The following LZTR1 variants were observed in gnomAD, a reference collection of about 807,000 sequenced individuals.
LZTR1 encodes the protein leucine zipper like post translational regulator 1.
In LZTR1, 260 loss-of-function variants were observed where a neutral mutation model predicts 105.7. The ratio of observed to expected loss-of-function variants is 2.46; its 90% CI spans 2.22 to 2.72. The LOEUF (loss-of-function observed/expected upper bound fraction) is 2.72. Among genes scored for constraint, LZTR1 ranks in the 30% most tolerant of loss-of-function variants. LZTR1 has a pLI of 0.00. For missense variants in LZTR1, 1,214 were observed against 1,166.9 expected (o/e 1.04, Z -0.59); for synonymous variants, 490 against 476.4 (o/e 1.03, Z -0.37).
Position 20,993,921 on chromosome 22 carries a change from C to T in LZTR1, c.1354-3C>T. 1.2e-6 allele frequency: 2 copies of T among 1,611,122 alleles called. No individual in the cohort carries two copies. Among genetic ancestry groups the T allele is most frequent in the Non-Finnish European group, 1.7e-6 (2 of 1,179,464 alleles). On this transcript the variant is annotated splice_polypyrimidine_tract_variant and splice_region_variant and intron_variant, in intron 12 of 20. Transcript: ENST00000646124. The stretch of plus-strand genomic sequence containing the variant: ...CTCTGCCAGTGCATCATTCTTTGTG[C>T]AGAAGGAGGAGTGCGTGCAGGGCCA...
chr22:20,996,746 A>T lies in LZTR1; in HGVS notation c.2270A>T (p.Gln757Leu). 6.2e-7 allele frequency: 1 copy of T among 1,613,536 alleles called. No homozygotes were observed. The highest frequency in any genetic ancestry group is 8.5e-7 in the Non-Finnish European group (1 of 1,180,004). ...TACGGCTTCTACAACAACCGGCTGC[A>T]GGCGTACTGCAAGCAGAACCTGGAG... The part of the protein sequence containing the change: ...YYYGFYNNRL[Q>L]AYCKQNLEMN... Residue 757 changes from glutamine to leucine, a missense_variant, in exon 19 of 21, where the codon CAG becomes CTG. Transcript: ENST00000646124.
chr22:20,985,980 C>G lies in LZTR1; in HGVS notation c.320+83C>G. On this transcript the variant is annotated intron_variant, in intron 3 of 20. Transcript: ENST00000646124. ...GCTGGGTCCCAGTTGCTAGCAGAGT[C>G]TCTCTCATCATGGGAAGCTAGAAAG... 6.4e-6 allele frequency: 9 copies of G among 1,404,354 alleles called. No individual in the cohort carries two copies. In the South Asian group the frequency reaches 9.3e-5, roughly 15 times the overall value. 87.0% of individuals were successfully genotyped at this position (1,404,354 alleles called of 1,614,324 possible).
rs143507674 is a variant in LZTR1, at chr22:20,996,908, C to T, written c.2348C>T (p.Thr783Met). The T allele has an allele frequency of 8.1e-6, 13 of 1,612,454 alleles. No individual in the cohort carries two copies. Among genetic ancestry groups the T allele is most frequent in the Middle Eastern group, 1.6e-4 (1 of 6,080 alleles). Residue 783 changes from threonine (T) to methionine (M), a missense_variant, in exon 20 of 21, where the codon ACG becomes ATG. Coordinates refer to ENST00000646124, the MANE Select transcript of LZTR1 (RefSeq NM_006767.4). ...VLQILEAADKTQALDMKRHCL... is the reference protein window; with the variant it reads ...VLQILEAADKMQALDMKRHCL... ...CAGATCCTGGAGGCAGCTGACAAAA[C>T]GCAGGCACTGGACATGAAGCGGCAC...
intron 20 of LZTR1, 75 bp downstream of exon 20, chr22:20,997,041 G>A (rs777369268): frequency 6.7e-7 from 1 of 1,492,364 alleles, no homozygotes; most frequent in South Asian, 1.1e-5. Flanking sequence ...AGGGTGCCCA[G>A]GCTCTGTGGT....
At chr22:20,987,703 C>A in intron 4 of LZTR1, 120 bp downstream of exon 4, 1 of 937,026 alleles carries the variant, frequency 1.1e-6, no homozygotes. Context: ...TCTCTCCACC[C>A]GTGGCTTTGT....
intron 2 of LZTR1, among the ~76,000 whole-genome samples, chr22:20,983,845 C>T (rs1034053728): frequency 2.6e-5 from 4 of 152,220 alleles, no homozygotes; most frequent in African/African-American, 9.6e-5. Context: ...CTCTCTTTCC[C>T]CAGGAGTAGC....
rs1924750862 is a variant in LZTR1, at chr22:20,994,601, G to A, written c.1659G>A (p.Leu553=). Residue 553 remains leucine, a synonymous_variant, in exon 15 of 21, where the codon CTG becomes CTA. Coordinates refer to ENST00000646124, the MANE Select transcript of LZTR1 (RefSeq NM_006767.4). ...DVLLIMDVYK[L]ALSFQLCRLE... is the part of the protein sequence containing the mutation. The stretch of plus-strand genomic sequence containing the variant: ...TGCTCATCATGGATGTGTACAAACT[G>A]GCACTGAGCTTCCAGTTGTGCCGCC... 1 of 1,612,482 alleles carries A rather than the reference G, an allele frequency of 6.2e-7. No homozygotes were observed. The highest frequency in any genetic ancestry group is 2.2e-5 in the East Asian group (1 of 44,882).
At chr22:20,983,533 C>T (rs1295112038) in intron 2 of LZTR1, among the ~76,000 whole-genome samples, 1 of 152,234 alleles carries the variant, frequency 6.6e-6, no homozygotes, top group Non-Finnish European at 1.5e-5. Flanking sequence ...TTGGTGGGCA[C>T]ACCTCCTTTC....
Position 20,997,504 on chromosome 22 carries a change from T to G in LZTR1, c.*156T>G. On this transcript the variant is annotated 3_prime_UTR_variant, in exon 21 of 21. Coordinates refer to ENST00000646124, the MANE Select transcript of LZTR1 (RefSeq NM_006767.4). ...GCCTCCAAAGAGAGCTGAGGGGATGTGGGGCCCCAAACTCATTAATTCACT... is the reference window on the plus strand; with the variant it reads ...GCCTCCAAAGAGAGCTGAGGGGATGGGGGGCCCCAAACTCATTAATTCACT... The G allele has an allele frequency of 1.6e-6, 1 of 623,256 alleles. No homozygotes were observed. Among genetic ancestry groups the G allele is most frequent in the East Asian group, 2.8e-5 (1 of 36,346 alleles). 38.6% of individuals were successfully genotyped at this position (623,256 alleles called of 1,614,324 possible). A position where few individuals can be genotyped will look rare whatever the true frequency, so the allele number is the denominator to read the frequency against.
At chr22:20,995,486 T>A (rs1344223247) in intron 16 of LZTR1, 1 of 665,636 alleles carries the variant, frequency 1.5e-6, no homozygotes, top group Admixed American at 2.1e-5. Context: ...GATCATGAGG[T>A]CAGCGAGGGG....
In LZTR1 at chr22:20,982,379, G is replaced by C. The variant is rs1569152759; in HGVS notation, c.8G>C (p.Gly3Ala). Residue 3 changes from glycine (G) to alanine (A), a missense_variant, in exon 1 of 21, where the codon GGA becomes GCA. Gly to Ala is a moderately conservative substitution (Grantham distance 60). Coordinates refer to ENST00000646124, the MANE Select transcript of LZTR1 (RefSeq NM_006767.4). Reference protein sequence around the residue: MAGPGSTGGQIGA... With the variant: MAAPGSTGGQIGA... Reference sequence around the variant, plus strand: ...ATCCGGCGTGGACCCGGGATGGCTGGACCGGGCAGCACGGGGGGGCAGATC... The same window carrying C: ...ATCCGGCGTGGACCCGGGATGGCTGCACCGGGCAGCACGGGGGGGCAGATC... The C allele has an allele frequency of 6.4e-7, 1 of 1,553,560 alleles. No homozygotes were observed. Among genetic ancestry groups the C allele is most frequent in the Non-Finnish European group, 8.7e-7 (1 of 1,148,244 alleles).
At chr22:20,995,722 G>A in intron 16 of LZTR1, 24 bp from the exon 17 acceptor site, 1 of 1,612,904 alleles carries the variant, frequency 6.2e-7, no homozygotes, top group South Asian at 1.1e-5. Flanking sequence ...GGCTGTACCT[G>A]CTCAGGGACC....
At chr22:20,995,114 C>G (rs756367791) in intron 16 of LZTR1, 88 bp downstream of exon 16, 3 of 1,462,696 alleles carry the variant, frequency 2.1e-6, no homozygotes, top group Non-Finnish European at 2.8e-6. Flanking sequence ...GAGCACCTGC[C>G]AGGCCCTCGG....
At chr22:20,984,270 T>C (rs927817207) in intron 2 of LZTR1, among the ~76,000 whole-genome samples, 6 of 152,360 alleles carry the variant, frequency 3.9e-5, no homozygotes, top group African/African-American at 1.2e-4. Flanking sequence ...CATTGTATCC[T>C]GGCATCTAGA....
intron 3 of LZTR1, 106 bp from the exon 4 acceptor site, chr22:20,987,398 A>AG (rs1569154368): frequency 3.0e-6 from 2 of 662,140 alleles, no homozygotes; most frequent in Admixed American, 2.7e-5. Context: ...CAAAAAAAAA[A>AG]AAAAAGAAAA....
At chr22:20,995,483 A>T in intron 16 of LZTR1, 1 of 661,164 alleles carries the variant, frequency 1.5e-6, no homozygotes, top group Non-Finnish European at 2.9e-6. Flanking sequence ...CTTGATCATG[A>T]GGTCAGCGAG....
At position 20,988,053 on chromosome 22, in the gene LZTR1, T is replaced by C; in HGVS notation, c.444T>C (p.Asn148=). The part of the protein sequence containing the change: ...GDIYSNSNLK[N]KNDLFEYKFA... ...TTTATTCCAATTCTAACTTGAAGAA[T>C]AAAAACGACCTCTTTGAATACAAGT... The change falls in exon 5 of 21, where the codon AAT becomes AAC. Residue 148 remains asparagine, a synonymous_variant. Transcript: ENST00000646124. 1.9e-6 allele frequency: 3 copies of C among 1,613,308 alleles called. No individual in the cohort carries two copies. The highest frequency in any genetic ancestry group is 2.2e-5 in the South Asian group (2 of 91,060).
chr22:20,991,702 TGGTGGCCTTTGACC>T lies in LZTR1; in HGVS notation c.868_881del (p.Val290ProfsTer21). 6.3e-7 allele frequency: 1 copy of T among 1,596,858 alleles called. No individual in the cohort carries two copies. Among genetic ancestry groups the T allele is most frequent in the East Asian group, 2.3e-5 (1 of 44,226 alleles). ...CCGCAGCGGCGCTACGGGCATACCA[TGGTGGCCTTTGACC>T]GCCACCTCTATGTGTTTGGGGGTGC... On this transcript the variant is annotated frameshift_variant, in exon 9 of 21. Transcript: ENST00000646124. LOFTEE classifies it high-confidence loss of function.
At chr22:20,984,800 C>T (rs908385044) in intron 2 of LZTR1, among the ~76,000 whole-genome samples, 19 of 152,200 alleles carry the variant, frequency 1.2e-4, no homozygotes, top group South Asian at 2.1e-4. Flanking sequence ...CTGGGCATGA[C>T]GGGGCACTGG....
Sources: gnomAD v4.1 joint callset for allele counts (sites outside exome capture counted in the v4.1 genomes callset) on GRCh38, gnomAD v4.1.1 for gene constraint, MANE v1.5 for transcripts, NCBI Gene and HGNC (gene_info 2026-07-23, HGNC 2026-07-21) for gene names.